Variants in KALRN observed in about 807,000 individuals in gnomAD.
KALRN encodes the protein kalirin.
KALRN carries 70 observed loss-of-function variants against 353.7 expected under a neutral mutation model. That is an observed-to-expected ratio of 0.20 (90% CI 0.16 to 0.24). KALRN has a LOEUF of 0.24. Ranked by LOEUF, KALRN falls within the 10% of genes least tolerant of loss-of-function variation. KALRN has a pLI of 1.00. For synonymous variants in KALRN, 1,391 were observed against 1,434.8 expected (o/e 0.97, Z 0.69); for missense variants, 2,791 against 3,756.7 (o/e 0.74, Z 6.72).
chr3:124,700,151 G>A (rs2150669772), intron 56 of KALRN, 118 bp downstream of exon 56: 1 of 913,866 alleles, frequency 1.1e-6, no homozygotes, highest in Non-Finnish European at 1.7e-6. Flanking sequence ...ACCTTTTAGA[G>A]GACTAAGAAG....
rs374296702 is a variant in KALRN, at chr3:124,722,859, A to G, written c.*3389A>G. 1.2e-4 allele frequency: 19 copies of G among 152,182 alleles called. No homozygotes were observed. Among genetic ancestry groups the G allele is most frequent in the African/African-American group, 4.3e-4 (18 of 41,444 alleles). 9.4% of individuals were successfully genotyped at this position (152,182 alleles called of 1,614,324 possible). ...TTCTTGCTTGGCTTTTATTCATTGCATAGGGTTTTGAGCTTTTTGTTTTGT... is the reference window on the plus strand; with the variant it reads ...TTCTTGCTTGGCTTTTATTCATTGCGTAGGGTTTTGAGCTTTTTGTTTTGT... On this transcript the variant is annotated 3_prime_UTR_variant, in exon 60 of 60. Coordinates refer to ENST00000682506, the MANE Select transcript of KALRN (RefSeq NM_001388419.1).
chr3:124,384,158 C>T (rs1323112091), intron 10 of KALRN, among the ~76,000 whole-genome samples: 1 of 152,134 alleles, frequency 6.6e-6, no homozygotes, highest in Non-Finnish European at 1.5e-5. Flanking sequence ...ATGGTGTGTA[C>T]AGATAGGGAG....
At chr3:124,577,338 A>G (rs1405175917) in intron 34 of KALRN, among the ~76,000 whole-genome samples, 3 of 152,184 alleles carry the variant, frequency 2.0e-5, no homozygotes, top group Admixed American at 2.0e-4. Context: ...AAAGGTCAGT[A>G]GGTGAAGACA....
intron 26 of KALRN, among the ~76,000 whole-genome samples, chr3:124,476,990 AT>A (rs2061487627): frequency 6.6e-6 from 1 of 152,184 alleles, no homozygotes; most frequent in African/African-American, 2.4e-5. Flanking sequence ...GCTTTTTCTG[AT>A]TCTTTCCAGC....
intron 1 of KALRN, among the ~76,000 whole-genome samples, chr3:124,040,381 A>C (rs765530992): frequency 5.3e-5 from 8 of 152,200 alleles, no homozygotes; most frequent in Non-Finnish European, 4.4e-5. Flanking sequence ...GTTCTCAACA[A>C]GGGCAATTCT....
intron 13 of KALRN, 125 bp downstream of exon 13, chr3:124,398,996 C>A: frequency 2.1e-6 from 2 of 945,780 alleles, no homozygotes; most frequent in Non-Finnish European, 3.1e-6. Context: ...TTTTAGAACC[C>A]AAGAAATTCC....
chr3:124,530,423 TA>T (rs2067942419), intron 33 of KALRN, among the ~76,000 whole-genome samples: 1 of 152,094 alleles, frequency 6.6e-6, no homozygotes, highest in Admixed American at 6.6e-5. Flanking sequence ...TTTGTTTTTT[TA>T]TTTGTTGCCC....
intron 12 of KALRN, among the ~76,000 whole-genome samples, chr3:124,397,149 T>C (rs2090266120): frequency 6.6e-6 from 1 of 152,162 alleles, no homozygotes; most frequent in Non-Finnish European, 1.5e-5. Context: ...GGAGAAAGAC[T>C]GAGAGGAGAA....
intron 11 of KALRN, among the ~76,000 whole-genome samples, chr3:124,390,426 A>G (rs2089181241): frequency 6.6e-6 from 1 of 152,202 alleles, no homozygotes; most frequent in East Asian, 1.9e-4. Context: ...TCAAATAGGT[A>G]CAAACATACC....
intron 13 of KALRN, among the ~76,000 whole-genome samples, chr3:124,403,293 C>T (rs1189117581): frequency 6.6e-6 from 1 of 152,172 alleles, no homozygotes; most frequent in African/African-American, 2.4e-5. Flanking sequence ...TATATATACA[C>T]ATATATGCAT....
intron 9 of KALRN, among the ~76,000 whole-genome samples, chr3:124,341,658 A>G (rs1037379407): frequency 6.6e-6 from 1 of 152,210 alleles, no homozygotes; most frequent in Non-Finnish European, 1.5e-5. Flanking sequence ...TAGAGGGGTC[A>G]GTTTGAGCTC....
intron 31 of KALRN, among the ~76,000 whole-genome samples, chr3:124,492,514 C>T (rs1287827936): frequency 6.6e-6 from 1 of 152,166 alleles, no homozygotes; most frequent in Non-Finnish European, 1.5e-5. Flanking sequence ...ACAGTTACTC[C>T]CGTACAAGTA....
intron 21 of KALRN, among the ~76,000 whole-genome samples, chr3:124,448,468 T>A (rs2093912103): frequency 6.6e-6 from 1 of 152,258 alleles, no homozygotes; most frequent in African/African-American, 2.4e-5. Context: ...TATTATTTTA[T>A]GCAGGCTTTA....
intron 1 of KALRN, among the ~76,000 whole-genome samples, chr3:124,129,872 G>T (rs2065090039): frequency 6.6e-6 from 1 of 152,216 alleles, no homozygotes; most frequent in South Asian, 2.1e-4. Context: ...GGTAAAGTGA[G>T]AAAAAGAAGG....
intron 1 of KALRN, among the ~76,000 whole-genome samples, chr3:124,124,287 A>G (rs1364677725): frequency 6.6e-6 from 1 of 152,230 alleles, no homozygotes; most frequent in Non-Finnish European, 1.5e-5. Flanking sequence ...AAGTAACCAC[A>G]GATGTGGAAG....
Position 124,596,771 on chromosome 3 carries a change from G to T in KALRN, c.5182+33682G>T, listed in dbSNP as rs560576261. Reference sequence around the variant, plus strand: ...TATCATTAATAAGTACATAGGGTCGGGCACGGTGGCCCACGCCTGTAATCC... The same window carrying T: ...TATCATTAATAAGTACATAGGGTCGTGCACGGTGGCCCACGCCTGTAATCC... On this transcript the variant is annotated intron_variant, in intron 34 of 59. Coordinates refer to ENST00000682506, the MANE Select transcript of KALRN (RefSeq NM_001388419.1). Among the ~76,000 whole-genome samples the T allele has an allele frequency of 1.9e-4, 29 of 152,318 alleles. No individual in the cohort carries two copies. In the South Asian group the frequency reaches 3.3e-3, roughly 17 times the overall value.
chr3:124,283,380 A>T (rs1451362603), intron 5 of KALRN, among the ~76,000 whole-genome samples: 1 of 152,238 alleles, frequency 6.6e-6, no homozygotes, highest in East Asian at 1.9e-4. Context: ...CTTCAAGTCT[A>T]CATTTTGGGA....
intron 56 of KALRN, among the ~76,000 whole-genome samples, chr3:124,700,373 C>T (rs1306958270): frequency 6.6e-6 from 1 of 152,072 alleles, no homozygotes; most frequent in Non-Finnish European, 1.5e-5. Flanking sequence ...CCCTGCCAGC[C>T]GTAAATGTAC....
At chr3:124,715,007 C>A (rs2063068659) in intron 58 of KALRN, among the ~76,000 whole-genome samples, 1 of 100,904 alleles carries the variant, frequency 9.9e-6, no homozygotes, top group Non-Finnish European at 1.8e-5. Context: ...CAGAGTGAGA[C>A]TCCATCTCAA....
Sources: allele counts gnomAD v4.1 joint callset (sites outside exome capture counted in the v4.1 genomes callset), GRCh38; gene constraint gnomAD v4.1.1; transcripts MANE v1.5; gene names NCBI Gene and HGNC (gene_info 2026-07-23, HGNC 2026-07-21).